Variants in ULK4 observed in about 807,000 individuals in gnomAD.
ULK4 encodes the protein inactive serine/threonine-protein kinase ULK4.
A neutral mutation model predicts 160.6 loss-of-function variants in ULK4; 133 were observed. The ratio of observed to expected loss-of-function variants is 0.83; its 90% CI spans 0.72 to 0.96. The LOEUF (loss-of-function observed/expected upper bound fraction) is 0.96. ULK4 is among the 40% of genes least tolerant of loss of function. The pLI is 0.00. For synonymous variants in ULK4, 534 were observed against 539.8 expected (o/e 0.99, Z 0.15); for missense variants, 1,580 against 1,499.5 (o/e 1.05, Z -0.89).
At chr3:41,910,388 G>A (rs982835261) in intron 11 of ULK4, among the ~76,000 whole-genome samples, 24 of 152,220 alleles carry the variant, frequency 1.6e-4, no homozygotes, top group East Asian at 3.9e-4. Flanking sequence ...AAGGTCAGGA[G>A]TTCAAGACAA....
chr3:41,690,316 A>G (rs1307885059), intron 27 of ULK4, among the ~76,000 whole-genome samples: 2 of 151,538 alleles, frequency 1.3e-5, no homozygotes, highest in African/African-American at 2.4e-5. Flanking sequence ...GGGGAGGGAT[A>G]GCTTTAGGAG....
At position 41,642,524 on chromosome 3, in the gene ULK4, A is replaced by C. The variant is rs2034263231; in HGVS notation, c.3071+21083T>G. Among the ~76,000 whole-genome samples, 3 of 152,110 alleles carry C rather than the reference A, an allele frequency of 2.0e-5. No homozygotes were observed. The South Asian group carries it at 6.2e-4, about 32-fold the overall frequency. ...TCCCTATAAAGGACATGAACTCATC[A>C]TTTTTTATGGCTGCACAGTATTCCA... On this transcript the variant is annotated intron_variant, in intron 30 of 36. Coordinates refer to ENST00000301831, the MANE Select transcript of ULK4 (RefSeq NM_017886.4).
intron 34 of ULK4, among the ~76,000 whole-genome samples, chr3:41,447,289 C>A (rs62259336): frequency 6.6e-6 from 1 of 151,898 alleles, no homozygotes; most frequent in Non-Finnish European, 1.5e-5. Flanking sequence ...TAAAGCATTA[C>A]TTCTGAAAGA....
intron 29 of ULK4, among the ~76,000 whole-genome samples, chr3:41,673,300 T>C (rs761473747): frequency 1.4e-4 from 21 of 152,144 alleles, no homozygotes; most frequent in Non-Finnish European, 2.9e-4. Context: ...ACCACCCCGA[T>C]GTCCTTTGAG....
chr3:41,684,974 G>A (rs928560030), intron 27 of ULK4, among the ~76,000 whole-genome samples: 2 of 152,226 alleles, frequency 1.3e-5, no homozygotes, highest in African/African-American at 4.8e-5. Context: ...TTCCTTCTGG[G>A]AAGACCAATG....
At chr3:41,638,833 G>A (rs551773281) in intron 30 of ULK4, among the ~76,000 whole-genome samples, 5 of 152,180 alleles carry the variant, frequency 3.3e-5, no homozygotes, top group Non-Finnish European at 5.9e-5. Context: ...ATTCAGTCAG[G>A]CTTCACTTTG....
intron 35 of ULK4, among the ~76,000 whole-genome samples, chr3:41,300,540 T>C (rs2079764222): frequency 6.6e-6 from 1 of 152,060 alleles, no homozygotes; most frequent in Non-Finnish European, 1.5e-5. Flanking sequence ...AAAATTATTC[T>C]ATAGTTGCTA....
intron 32 of ULK4, among the ~76,000 whole-genome samples, chr3:41,540,305 G>T (rs2086651617): frequency 6.6e-6 from 1 of 152,112 alleles, no homozygotes; most frequent in African/African-American, 2.4e-5. Flanking sequence ...TTCTGTTCTT[G>T]TGATAGTTTG....
At chr3:41,736,217 T>C (rs1321059740) in intron 22 of ULK4, among the ~76,000 whole-genome samples, 1 of 151,774 alleles carries the variant, frequency 6.6e-6, no homozygotes, top group Non-Finnish European at 1.5e-5. Flanking sequence ...AGTAATGGGA[T>C]GGCTGGGTCA....
rs2034474809 is a variant in ULK4 at position 41,646,078 on chromosome 3, A to G, written c.3071+17529T>C. Among the ~76,000 whole-genome samples, 3 of 152,106 alleles carry G rather than the reference A, an allele frequency of 2.0e-5. No individual in the cohort carries two copies. The South Asian group carries it at 6.2e-4, about 31-fold the overall frequency. On this transcript the variant is annotated intron_variant, in intron 30 of 36. Transcript: ENST00000301831. ...TCCTCCATCCTTTTATTTTGAGCCTATGTGTGTCTCTGCACATGAGATGGG... is the reference window on the plus strand; with the variant it reads ...TCCTCCATCCTTTTATTTTGAGCCTGTGTGTGTCTCTGCACATGAGATGGG...
intron 35 of ULK4, among the ~76,000 whole-genome samples, chr3:41,349,029 G>A (rs1229477800): frequency 6.6e-6 from 1 of 152,172 alleles, no homozygotes. Flanking sequence ...CAGCCTCTGA[G>A]ACACTGGTCC....
intron 17 of ULK4, among the ~76,000 whole-genome samples, chr3:41,876,112 G>A (rs1158468720): frequency 1.3e-5 from 2 of 151,984 alleles, no homozygotes; most frequent in Non-Finnish European, 2.9e-5. Context: ...TATTCAACAG[G>A]ACAAACAGCC....
chr3:41,410,730 T>C (rs762501261), intron 34 of ULK4, among the ~76,000 whole-genome samples: 34 of 152,130 alleles, frequency 2.2e-4, no homozygotes, highest in Non-Finnish European at 4.4e-4. Flanking sequence ...AAAGGAAAAA[T>C]ACTTTCTAAT....
chr3:41,920,977 C>A (rs907875525), intron 5 of ULK4, among the ~76,000 whole-genome samples: 5 of 152,182 alleles, frequency 3.3e-5, no homozygotes, highest in Admixed American at 2.6e-4. Context: ...TGTTTGTCTT[C>A]CCATCCTTAC....
intron 18 of ULK4, among the ~76,000 whole-genome samples, chr3:41,830,605 G>C (rs1010960573): frequency 1.3e-5 from 2 of 151,868 alleles, no homozygotes; most frequent in Non-Finnish European, 2.9e-5. Flanking sequence ...CTCAAGCAGG[G>C]GGCAGGGATG....
At chr3:41,379,525 A>T (rs1415895401) in intron 35 of ULK4, among the ~76,000 whole-genome samples, 1 of 152,218 alleles carries the variant, frequency 6.6e-6, no homozygotes, top group African/African-American at 2.4e-5. Context: ...AACAAGCCTC[A>T]ATAACAATTT....
intron 32 of ULK4, among the ~76,000 whole-genome samples, chr3:41,525,233 C>G (rs1251358678): frequency 6.6e-6 from 1 of 152,170 alleles, no homozygotes; most frequent in Non-Finnish European, 1.5e-5. Context: ...GGCTAAAATC[C>G]TCATGCATGG....
intron 35 of ULK4, among the ~76,000 whole-genome samples, chr3:41,321,000 A>G (rs932897939): frequency 6.6e-6 from 1 of 152,110 alleles, no homozygotes; most frequent in African/African-American, 2.4e-5. Context: ...ATGCAATGAT[A>G]TCTCACTGCC....
chr3:41,303,367 G>T (rs975847317), intron 35 of ULK4, among the ~76,000 whole-genome samples: 3 of 152,174 alleles, frequency 2.0e-5, no homozygotes, highest in Non-Finnish European at 2.9e-5. Flanking sequence ...TCACGCTAGA[G>T]TATTAATTCC....
Sources: gnomAD v4.1 joint callset for allele counts (sites outside exome capture counted in the v4.1 genomes callset) on GRCh38, gnomAD v4.1.1 for gene constraint, MANE v1.5 for transcripts, NCBI Gene and HGNC (gene_info 2026-07-23, HGNC 2026-07-21) for gene names.